Variants in SPATA22 observed in about 807,000 individuals in gnomAD.
The protein encoded by SPATA22 is spermatogenesis associated 22.
In SPATA22, 29 loss-of-function variants were observed where a neutral mutation model predicts 47.8. That is an observed-to-expected ratio of 0.61 (90% CI 0.45 to 0.83). The LOEUF (loss-of-function observed/expected upper bound fraction) is 0.83. Among genes scored for constraint, SPATA22 ranks in the 40% least tolerant of loss-of-function variants. The pLI is 0.00. For synonymous variants in SPATA22, 133 were observed against 140.9 expected, an observed-to-expected ratio of 0.94 and a Z score of 0.40; for missense variants, 410 against 421.7, an observed-to-expected ratio of 0.97 and a Z score of 0.24.
chr17:3,457,025 A>T (rs577635827), intron 5 of SPATA22, among the ~76,000 whole-genome samples: 16 of 152,222 alleles, frequency 1.1e-4, no homozygotes, highest in Admixed American at 3.3e-4. Context: ...CTCTCAATAA[A>T]TTAGGTATTG....
At chr17:3,478,464 G>T (rs560095791) in intron 1 of SPATA22, among the ~76,000 whole-genome samples, 174 of 152,286 alleles carry the variant, frequency 1.1e-3, no homozygotes, top group Non-Finnish European at 1.8e-3. Flanking sequence ...CATGACTGAG[G>T]TTATGTCAAC....
chr17:3,451,775 C>T, intron 5 of SPATA22, among the ~76,000 whole-genome samples: 1 of 151,696 alleles, frequency 6.6e-6, no homozygotes, highest in East Asian at 1.9e-4. Flanking sequence ...GGTGAAACCC[C>T]GTCTCTACTA....
At chr17:3,506,003 C>A (rs147261660) in intron 1 of SPATA22, among the ~76,000 whole-genome samples, 1,609 of 152,222 alleles carry the variant, frequency 0.011, 29 homozygotes, top group African/African-American at 0.036. Flanking sequence ...GGTGATCCGC[C>A]CACCTTGGCC....
chr17:3,499,303 A>G, intron 1 of SPATA22: 2 of 455,982 alleles, frequency 4.4e-6, no homozygotes, highest in Non-Finnish European at 7.7e-6. Flanking sequence ...AGTGTTTCCT[A>G]TTTCTATATA....
rs1340050265 is a variant in SPATA22 at position 3,488,129 on chromosome 17, G to T, written c.-73-18731C>A. 6.6e-6 allele frequency among the ~76,000 whole-genome samples: 1 copy of T among 152,228 alleles called. No homozygotes were observed. The highest frequency in any genetic ancestry group is 1.5e-5 in the Non-Finnish European group (1 of 68,040). On this transcript the variant is annotated intron_variant, in intron 1 of 8. Coordinates refer to the SPATA22 transcript ENST00000541913. The surrounding 1 kb of genome is among the most constrained non-coding windows in gnomAD (Gnocchi z 6.1). ...TGCAGTATGTTAATGGGATGGAAGA[G>T]AATGAGGGTAGTGCAGTTGGGGTAA...
At chr17:3,513,060 G>A (rs2074135286) in intron 1 of SPATA22, 1 of 152,458 alleles carries the variant, frequency 6.6e-6, no homozygotes, top group Non-Finnish European at 1.5e-5. Flanking sequence ...TGCCCGGAGT[G>A]TCTCATGCAG....
chr17:3,499,120 T>C (rs1215707637), intron 1 of SPATA22: 2 of 1,598,394 alleles, frequency 1.3e-6, no homozygotes, highest in South Asian at 1.1e-5. Flanking sequence ...TTACACGGTG[T>C]CTTACAAATT....
chr17:3,466,266 C>T (rs543667930), intron 3 of SPATA22, among the ~76,000 whole-genome samples: 113 of 150,888 alleles, frequency 7.5e-4, no homozygotes, highest in African/African-American at 2.7e-3. Context: ...AAAATGTGCC[C>T]CCAAAATGTA....
chr17:3,485,934 CTTTT>C lies in SPATA22; in HGVS notation c.-73-16540_-73-16537del, dbSNP rs145731380. Among the ~76,000 whole-genome samples, 3 of 142,386 alleles carry C rather than the reference CTTTT, an allele frequency of 2.1e-5. No homozygotes were observed. The highest frequency in any genetic ancestry group is 4.6e-5 in the Non-Finnish European group (3 of 65,568). 93.4% of individuals were successfully genotyped at this position (142,386 alleles called of 152,430 possible). A position where few individuals can be genotyped will look rare whatever the true frequency, so the allele number is the denominator to read the frequency against. ...CAGTGGTTGCATTCTAGGAGGGAAC[CTTTT>C]TTTTTTTTTTTGAGACGGAGTTTCG... is the stretch of plus-strand genomic sequence containing the variant. On this transcript the variant is annotated intron_variant, in intron 1 of 8. Coordinates refer to the SPATA22 transcript ENST00000541913. This position sits in a 1 kb window ranked among gnomAD's most constrained non-coding sequence, Gnocchi z 4.4.
At position 3,443,279 on chromosome 17, in the gene SPATA22, A is replaced by G; in HGVS notation, c.803-8T>C. 6.3e-7 allele frequency: 1 copy of G among 1,579,056 alleles called. No homozygotes were observed. Among genetic ancestry groups the G allele is most frequent in the Non-Finnish European group, 8.6e-7 (1 of 1,163,430 alleles). ...CAGCTGAATCAAGAACAGCTAAGCA[A>G]TATTGAAATGGGGGAAAAAATGAAT... is the stretch of plus-strand genomic sequence containing the variant. On this transcript the variant is annotated splice_polypyrimidine_tract_variant and splice_region_variant and intron_variant, in intron 7 of 8. Transcript: ENST00000572969.
chr17:3,479,807 C>G (rs2073596403), intron 1 of SPATA22, among the ~76,000 whole-genome samples: 1 of 151,930 alleles, frequency 6.6e-6, no homozygotes, highest in South Asian at 2.1e-4. Context: ...AAGATACTAG[C>G]AAAAATAACC....
chr17:3,496,661 T>C (rs577424529), intron 1 of SPATA22, among the ~76,000 whole-genome samples: 10 of 152,328 alleles, frequency 6.6e-5, no homozygotes, highest in African/African-American at 2.2e-4. Flanking sequence ...TAAGGGATGC[T>C]AACTGGAATC....
intron 3 of SPATA22, among the ~76,000 whole-genome samples, chr17:3,464,593 GC>G (rs2073231038): frequency 6.9e-6 from 1 of 144,910 alleles, no homozygotes; most frequent in Non-Finnish European, 1.5e-5. Flanking sequence ...CTGCCGGGCC[GC>G]CCATCGTCTG....
intron 1 of SPATA22, among the ~76,000 whole-genome samples, chr17:3,493,581 AAAG>A (rs2073861159): frequency 2.0e-5 from 3 of 151,218 alleles, no homozygotes; most frequent in Admixed American, 2.0e-4. Context: ...AAAAAAAAAA[AAAG>A]GAAAGAAAAA....
At chr17:3,472,512 AC>A (rs1212061652), upstream of SPATA22, 1 of 152,292 alleles carries the variant, frequency 6.6e-6, no homozygotes, top group Non-Finnish European at 1.5e-5. Flanking sequence ...AAGAACAATA[AC>A]AACAATCGCC....
intron 1 of SPATA22, among the ~76,000 whole-genome samples, chr17:3,491,706 C>CG (rs2073827459): frequency 6.6e-6 from 1 of 151,840 alleles, no homozygotes; most frequent in Non-Finnish European, 1.5e-5. Context: ...CGAGTTCATG[C>CG]CACTGCACTC....
chr17:3,506,844 G>T (rs2074044602), intron 1 of SPATA22, among the ~76,000 whole-genome samples: 2 of 152,206 alleles, frequency 1.3e-5, no homozygotes, highest in African/African-American at 4.8e-5. Flanking sequence ...GTGAGGCTGA[G>T]GCAGGAGAAT....
At chr17:3,486,578 C>T (rs2073726037) in intron 1 of SPATA22, among the ~76,000 whole-genome samples, 1 of 152,096 alleles carries the variant, frequency 6.6e-6, no homozygotes, top group Admixed American at 6.6e-5. Context: ...CTCTCAAACA[C>T]CCTCTTTCTT....
At chr17:3,478,562 C>T (rs988481501) in intron 1 of SPATA22, among the ~76,000 whole-genome samples, 4 of 152,172 alleles carry the variant, frequency 2.6e-5, no homozygotes, top group East Asian at 1.9e-4. Context: ...AACTTTTAGT[C>T]GGCATATTAA....
Sources: gnomAD v4.1 joint callset for allele counts (sites outside exome capture counted in the v4.1 genomes callset) on GRCh38, gnomAD v4.1.1 for gene constraint, Gnocchi (gnomAD v3.1) non-coding constraint, MANE v1.5 for transcripts, NCBI Gene and HGNC (gene_info 2026-07-23, HGNC 2026-07-21) for gene names.